The following RASEF variants were observed in gnomAD, a reference collection of about 807,000 sequenced individuals.
RASEF encodes ras and EF-hand domain-containing protein.
RASEF carries 68 observed loss-of-function variants against 90.1 expected under a neutral mutation model. That is an observed-to-expected ratio of 0.75 (90% CI 0.62 to 0.92). The LOEUF (loss-of-function observed/expected upper bound fraction) is 0.92, where lower values mean the gene tolerates loss of function less well. Among genes scored for constraint, RASEF ranks in the 40% least tolerant of loss-of-function variants. The probability of loss-of-function intolerance (pLI) is 0.00; values close to 1 mark genes in which losing one functional copy is unlikely to be tolerated. For missense variants in RASEF, 949 were observed against 937.2 expected (o/e 1.01, Z -0.16); for synonymous variants, 331 against 345.2 (o/e 0.96, Z 0.46).
At chr9:83,061,126 CAAAT>C (rs1830193687) in intron 1 of RASEF, among the ~76,000 whole-genome samples, 1 of 152,144 alleles carries the variant, frequency 6.6e-6, no homozygotes, top group African/African-American at 2.4e-5. Context: ...AAAGATGACT[CAAAT>C]AAAGAGTATA....
the RASEF span, among the ~76,000 whole-genome samples, chr9:83,127,558 A>C: frequency 6.6e-6 from 1 of 152,198 alleles, no homozygotes; most frequent in Non-Finnish European, 1.5e-5. Flanking sequence ...AGTAATGCAA[A>C]TGAAAGTGTC....
At chr9:83,016,640 G>A (rs1162688885) in intron 3 of RASEF, among the ~76,000 whole-genome samples, 1 of 152,058 alleles carries the variant, frequency 6.6e-6, no homozygotes, top group Non-Finnish European at 1.5e-5. Flanking sequence ...GGACAGAGAG[G>A]GGGATAATAA....
intron 1 of RASEF, 51 bp downstream of exon 1, chr9:83,062,386 A>C (rs1020944900): frequency 6.3e-7 from 1 of 1,584,324 alleles, no homozygotes; most frequent in East Asian, 2.3e-5. Flanking sequence ...AGTGGGAAGA[A>C]GCAAGCAGGA....
Position 82,980,587 on chromosome 9 carries a change from T to C in RASEF, c.*2090A>G, listed in dbSNP as rs1587469020. ...GTAAAACAAATATAAAGAGACACTT[T>C]GGAGAGAATAAATAAAGGCAACACA... On this transcript the variant is annotated 3_prime_UTR_variant, in exon 17 of 17. Coordinates refer to ENST00000376447, the MANE Select transcript of RASEF (RefSeq NM_152573.4). 1 of 152,326 alleles carries C rather than the reference T, an allele frequency of 6.6e-6. No homozygotes were observed. Among genetic ancestry groups the C allele is most frequent in the East Asian group, 1.9e-4 (1 of 5,186 alleles). The allele number at this position is 152,326 out of a possible 1,614,324, so 9.4% of individuals were successfully genotyped here.
chr9:83,062,991 G>A lies in RASEF; in HGVS notation c.-124C>T. 3 of 1,045,830 alleles carry A rather than the reference G, an allele frequency of 2.9e-6. No individual in the cohort carries two copies. Among genetic ancestry groups the A allele is most frequent in the Non-Finnish European group, 3.8e-6 (3 of 779,828 alleles). 64.8% of individuals were successfully genotyped at this position (1,045,830 alleles called of 1,614,324 possible). On this transcript the variant is annotated 5_prime_UTR_variant, in exon 1 of 17. Coordinates refer to ENST00000376447, the MANE Select transcript of RASEF (RefSeq NM_152573.4). ...CGAGTTTGGCTCGTCCGGCTGGTTC[G>A]GCCACTTGAGGGAACGTCGGGCGGG...
the RASEF span, among the ~76,000 whole-genome samples, chr9:83,122,741 GTTATT>G: frequency 2.0e-5 from 3 of 152,174 alleles, no homozygotes; most frequent in East Asian, 5.8e-4. Flanking sequence ...TTTCTTAAAC[GTTATT>G]TTAAAGAGCT....
At chr9:83,018,684 G>A (rs1829388863) in intron 3 of RASEF, among the ~76,000 whole-genome samples, 1 of 112,346 alleles carries the variant, frequency 8.9e-6, no homozygotes. Flanking sequence ...TTGATTTCAA[G>A]ACTTATTATA....
chr9:83,197,052 A>G, the RASEF span, among the ~76,000 whole-genome samples: 1 of 152,350 alleles, frequency 6.6e-6, no homozygotes, highest in South Asian at 2.1e-4. Context: ...GCCAAGACAG[A>G]CCATGCAGAC....
upstream of RASEF, among the ~76,000 whole-genome samples, chr9:83,065,012 G>A (rs546013070): frequency 6.6e-6 from 1 of 152,286 alleles, no homozygotes; most frequent in East Asian, 1.9e-4. Context: ...AGGTTGCAGT[G>A]AGCCGAGATC....
the RASEF span, among the ~76,000 whole-genome samples, chr9:83,199,707 A>T: frequency 6.6e-6 from 1 of 152,182 alleles, no homozygotes; most frequent in South Asian, 2.1e-4. Context: ...TCCTGAACTG[A>T]AGTTGAGAAG....
chr9:83,097,494 A>C, the RASEF span, among the ~76,000 whole-genome samples: 1 of 152,228 alleles, frequency 6.6e-6, no homozygotes, highest in Non-Finnish European at 1.5e-5. Context: ...AAATTTTTGC[A>C]ATCTACTCAT....
chr9:83,137,043 T>C, the RASEF span, among the ~76,000 whole-genome samples: 2 of 152,146 alleles, frequency 1.3e-5, no homozygotes, highest in South Asian at 2.1e-4. Context: ...GAGATTTTTA[T>C]ATGTACTTCT....
Position 82,990,448 on chromosome 9 carries a change from C to G in RASEF, c.2060G>C (p.Cys687Ser). 6.2e-7 allele frequency: 1 copy of G among 1,612,908 alleles called. No individual in the cohort carries two copies. Among genetic ancestry groups the G allele is most frequent in the Non-Finnish European group, 8.5e-7 (1 of 1,178,970 alleles). The change falls in exon 16 of 17, where the codon TGT (cysteine) becomes TCT (serine). Residue 687 changes from cysteine to serine, a missense_variant. Transcript: ENST00000376447. ...AGAACCATCTTTGGCACTTGTTTCA[C>G]AGAATAATGCCCCATACGTCTGTAA... ...KLAMTYGALFCETSAKDGSNI... is the reference protein window; with the variant it reads ...KLAMTYGALFSETSAKDGSNI...
chr9:82,983,769 C>T (rs1828662598), intron 16 of RASEF, among the ~76,000 whole-genome samples: 1 of 152,204 alleles, frequency 6.6e-6, no homozygotes, highest in African/African-American at 2.4e-5. Flanking sequence ...CCTTTGAAGT[C>T]CAGGGTTCAA....
the RASEF span, among the ~76,000 whole-genome samples, chr9:83,105,582 C>T: frequency 9.2e-5 from 14 of 152,248 alleles, no homozygotes; most frequent in African/African-American, 3.4e-4. Context: ...CTTTTCTTGA[C>T]CTGAATTTTC....
chr9:83,162,587 A>G, the RASEF span, among the ~76,000 whole-genome samples: 4 of 152,252 alleles, frequency 2.6e-5, no homozygotes, highest in African/African-American at 9.6e-5. Flanking sequence ...TTTGAAAGTC[A>G]CTACTCCATC....
chr9:83,008,004 C>T (rs928524255), intron 6 of RASEF, among the ~76,000 whole-genome samples: 9 of 152,088 alleles, frequency 5.9e-5, no homozygotes, highest in Admixed American at 1.3e-4. Flanking sequence ...CCTGCTCTCC[C>T]TCCTCTCCTT....
the RASEF span, among the ~76,000 whole-genome samples, chr9:83,140,835 A>G: frequency 9.2e-5 from 14 of 152,272 alleles, no homozygotes; most frequent in African/African-American, 2.9e-4. Flanking sequence ...GGAAATAGAA[A>G]TAACTGAGGT....
At chr9:83,015,976 C>A in intron 3 of RASEF, 76 bp from the exon 4 acceptor site, 1 of 1,064,984 alleles carries the variant, frequency 9.4e-7, no homozygotes, top group East Asian at 2.4e-5. Flanking sequence ...AGGTGAGAAA[C>A]ATTTTGTGTC....
Sources: gnomAD v4.1 joint callset for allele counts (sites outside exome capture counted in the v4.1 genomes callset) on GRCh38, gnomAD v4.1.1 for gene constraint, MANE v1.5 for transcripts, NCBI Gene and HGNC (gene_info 2026-07-23, HGNC 2026-07-21) for gene names.